Variants in LHFPL6 observed in about 807,000 individuals in gnomAD.
The protein encoded by LHFPL6 is LHFPL tetraspan subfamily member 6.
A neutral mutation model predicts 20.6 loss-of-function variants in LHFPL6; 9 were observed. That is an observed-to-expected ratio of 0.44 (90% CI 0.26 to 0.76). The LOEUF is 0.76. Among genes scored for constraint, LHFPL6 ranks in the 30% least tolerant of loss-of-function variants. The pLI, the probability that LHFPL6 is intolerant of heterozygous loss-of-function variation, is 0.20. For synonymous variants in LHFPL6, 105 were observed against 98.7 expected, an observed-to-expected ratio of 1.06 and a Z score of -0.38; for missense variants, 218 against 253.5, an observed-to-expected ratio of 0.86 and a Z score of 0.95.
chr13:39,382,550 C>T (rs530174933), intron 2 of LHFPL6, among the ~76,000 whole-genome samples: 42 of 152,022 alleles, frequency 2.8e-4, no homozygotes, highest in African/African-American at 9.4e-4. Flanking sequence ...CCCCCATGCC[C>T]GGCTGATTTT....
intron 2 of LHFPL6, among the ~76,000 whole-genome samples, chr13:39,528,800 C>T (rs557551553): frequency 6.6e-6 from 1 of 152,234 alleles, no homozygotes; most frequent in South Asian, 2.1e-4. Flanking sequence ...TCCAGGAATT[C>T]CCTGTAAATT....
At position 39,343,413 on chromosome 13, in the gene LHFPL6, G is replaced by T. The variant is rs1869300089; in HGVS notation, c.*523C>A. On this transcript the variant is annotated 3_prime_UTR_variant, in exon 4 of 4. Coordinates refer to ENST00000379589, the MANE Select transcript of LHFPL6 (RefSeq NM_005780.3). Reference sequence around the variant, plus strand: ...TGCGATAATCCACGTTTGTGCATAGGCGTGTGTGGGGATGCATATGTCTGT... The same window carrying T: ...TGCGATAATCCACGTTTGTGCATAGTCGTGTGTGGGGATGCATATGTCTGT... 2 of 232,362 alleles carry T rather than the reference G, an allele frequency of 8.6e-6. No homozygotes were observed. Among genetic ancestry groups the T allele is most frequent in the East Asian group, 1.2e-4 (2 of 16,394 alleles). 14.4% of individuals were successfully genotyped at this position (232,362 alleles called of 1,614,324 possible).
intron 2 of LHFPL6, among the ~76,000 whole-genome samples, chr13:39,586,432 C>G (rs1462600364): frequency 6.6e-6 from 1 of 152,054 alleles, no homozygotes; most frequent in African/African-American, 2.4e-5. Flanking sequence ...ACCATGGTAA[C>G]GACAATATTT....
chr13:39,539,683 T>C (rs1870736895), intron 2 of LHFPL6, among the ~76,000 whole-genome samples: 1 of 152,232 alleles, frequency 6.6e-6, no homozygotes, highest in South Asian at 2.1e-4. Flanking sequence ...CAGGTGCAGA[T>C]TCAATTAAAA....
At chr13:39,432,972 A>G (rs1463230961) in intron 2 of LHFPL6, among the ~76,000 whole-genome samples, 1 of 152,250 alleles carries the variant, frequency 6.6e-6, no homozygotes, top group Admixed American at 6.5e-5. Flanking sequence ...AAAACAGAAA[A>G]TAAATTATTT....
chr13:39,391,354 T>C (rs1870703919), intron 2 of LHFPL6, among the ~76,000 whole-genome samples: 1 of 152,232 alleles, frequency 6.6e-6, no homozygotes, highest in Non-Finnish European at 1.5e-5. Context: ...TGTGGCTATG[T>C]TCCCCTTTGG....
chr13:39,584,289 C>G (rs1038495027), intron 2 of LHFPL6, among the ~76,000 whole-genome samples: 1 of 152,116 alleles, frequency 6.6e-6, no homozygotes, highest in African/African-American at 2.4e-5. Flanking sequence ...CACCTGTAAT[C>G]CCAGCACTTT....
intron 2 of LHFPL6, among the ~76,000 whole-genome samples, chr13:39,536,262 T>A (rs1255650705): frequency 6.6e-6 from 1 of 152,172 alleles, no homozygotes; most frequent in Non-Finnish European, 1.5e-5. Flanking sequence ...GTGATTGCTA[T>A]GAAGGTAGGG....
At chr13:39,413,255 C>T (rs141853544) in intron 2 of LHFPL6, among the ~76,000 whole-genome samples, 1 of 152,244 alleles carries the variant, frequency 6.6e-6, no homozygotes, top group Non-Finnish European at 1.5e-5. Context: ...ATTTAACATA[C>T]TTGTATTATG....
intron 2 of LHFPL6, among the ~76,000 whole-genome samples, chr13:39,508,987 C>T (rs778268741): frequency 3.3e-5 from 5 of 152,078 alleles, no homozygotes; most frequent in Non-Finnish European, 5.9e-5. Context: ...CCCAGTTGAT[C>T]CACATTCTCA....
intron 2 of LHFPL6, among the ~76,000 whole-genome samples, chr13:39,564,125 A>AT (rs57781805): frequency 0.86 from 131,296 of 151,984 alleles, 56,843 homozygotes; most frequent in South Asian, 0.93. Flanking sequence ...GGAGCATTTT[A>AT]TTTTTGTTCA....
intron 2 of LHFPL6, among the ~76,000 whole-genome samples, chr13:39,395,304 C>A (rs1041175383): frequency 1.3e-5 from 2 of 152,102 alleles, no homozygotes; most frequent in African/African-American, 4.8e-5. Flanking sequence ...CTGTTTCTGG[C>A]AATAGTATTA....
At chr13:39,375,304 A>G in intron 3 of LHFPL6, among the ~76,000 whole-genome samples, 1 of 152,224 alleles carries the variant, frequency 6.6e-6, no homozygotes, top group Admixed American at 6.5e-5. Flanking sequence ...ATTTAACTTC[A>G]TAATTTGTGA....
At chr13:39,378,645 C>G (rs1870359053) in intron 2 of LHFPL6, 119 bp from the exon 3 acceptor site, 1 of 643,970 alleles carries the variant, frequency 1.6e-6, no homozygotes, top group Non-Finnish European at 2.7e-6. Context: ...TAGACAGCAC[C>G]AGCCACAACT....
At chr13:39,463,242 T>C (rs1270177486) in intron 2 of LHFPL6, among the ~76,000 whole-genome samples, 1 of 152,182 alleles carries the variant, frequency 6.6e-6, no homozygotes, top group African/African-American at 2.4e-5. Flanking sequence ...ATTTCAACCC[T>C]GTATGACTCA....
At chr13:39,437,752 A>T (rs111639843) in intron 2 of LHFPL6, among the ~76,000 whole-genome samples, 3 of 152,072 alleles carry the variant, frequency 2.0e-5, no homozygotes, top group African/African-American at 7.2e-5. Flanking sequence ...AATACAAAAA[A>T]TTAGCTGGGC....
chr13:39,475,409 A>T (rs1248285135), intron 2 of LHFPL6, among the ~76,000 whole-genome samples: 2 of 151,350 alleles, frequency 1.3e-5, no homozygotes, highest in East Asian at 3.9e-4. Flanking sequence ...AATTCTTTCC[A>T]TTTGATTTAC....
chr13:39,579,588 T>G (rs1453604596), intron 2 of LHFPL6, among the ~76,000 whole-genome samples: 1 of 152,202 alleles, frequency 6.6e-6, no homozygotes, highest in Non-Finnish European at 1.5e-5. Context: ...TTTTATCTTT[T>G]TCTAATAATA....
At chr13:39,574,248 C>T (rs938743418) in intron 2 of LHFPL6, among the ~76,000 whole-genome samples, 14 of 152,044 alleles carry the variant, frequency 9.2e-5, no homozygotes, top group Non-Finnish European at 1.9e-4. Context: ...TTTGGGAGGC[C>T]GAGGCGGGCG....
Sources: allele counts gnomAD v4.1 joint callset (sites outside exome capture counted in the v4.1 genomes callset), GRCh38; gene constraint gnomAD v4.1.1; transcripts MANE v1.5; gene names NCBI Gene and HGNC (gene_info 2026-07-23, HGNC 2026-07-21).